The following TVP23A variants were observed in gnomAD, a reference collection of about 807,000 sequenced individuals.
TVP23A encodes the protein Golgi apparatus membrane protein TVP23 homolog A.
A neutral mutation model predicts 31.7 loss-of-function variants in TVP23A; 21 were observed. That is an observed-to-expected ratio of 0.66 (90% CI 0.47 to 0.95). The LOEUF (loss-of-function observed/expected upper bound fraction) is 0.95, where lower values mean the gene tolerates loss of function less well. Among genes scored for constraint, TVP23A ranks in the 40% least tolerant of loss-of-function variants. The pLI is 0.00. For synonymous variants in TVP23A, 104 were observed against 96.0 expected (o/e 1.08, Z -0.49); for missense variants, 279 against 255.6 (o/e 1.09, Z -0.62).
intron 2 of TVP23A, among the ~76,000 whole-genome samples, chr16:10,784,278 G>A (rs892794495): frequency 8.0e-5 from 12 of 149,244 alleles, no homozygotes; most frequent in African/African-American, 2.5e-4. Flanking sequence ...GCAGTGAGCC[G>A]AGATCTCACC....
At chr16:10,813,700 C>A (rs2143007448) in intron 2 of TVP23A, among the ~76,000 whole-genome samples, 1 of 152,210 alleles carries the variant, frequency 6.6e-6, no homozygotes, top group East Asian at 1.9e-4. Context: ...CATCTGTAGA[C>A]CTCAGTTAAG....
Position 10,795,317 on chromosome 16 carries a change from C to T in TVP23A, c.90-20221G>A, listed in dbSNP as rs144174931. Among the ~76,000 whole-genome samples the T allele has an allele frequency of 5.3e-5, 8 of 150,138 alleles. No individual in the cohort carries two copies. In the East Asian group the frequency reaches 1.6e-3, roughly 29 times the overall value. ...CCAGACTGGAGTGCAGTGGCATGAT[C>T]TTGGCTAACTGCAACCTCCACCTCC... On this transcript the variant is annotated intron_variant, in intron 2 of 7. Transcript: ENST00000299866.
At chr16:10,798,115 C>G (rs1259734365) in intron 2 of TVP23A, among the ~76,000 whole-genome samples, 1 of 151,600 alleles carries the variant, frequency 6.6e-6, no homozygotes, top group African/African-American at 2.4e-5. Flanking sequence ...GCCACCACGC[C>G]CAGCTAATTT....
Position 10,785,210 on chromosome 16 carries a change from G to A in TVP23A, c.90-10114C>T, listed in dbSNP as rs535823591. On this transcript the variant is annotated intron_variant, in intron 2 of 7. Coordinates refer to ENST00000299866, the MANE Select transcript of TVP23A (RefSeq NM_001079512.4). ...ACCTGAGGTCAGGAGCTCACGACCA[G>A]CCTGGCCAACATGGTGAAACCTGCC... Among the ~76,000 whole-genome samples, 4 of 152,252 alleles carry A rather than the reference G, an allele frequency of 2.6e-5. No homozygotes were observed. In the South Asian group the frequency reaches 8.3e-4, roughly 32 times the overall value.
intron 5 of TVP23A, among the ~76,000 whole-genome samples, chr16:10,772,454 C>A (rs1200845042): frequency 6.6e-6 from 1 of 151,030 alleles, no homozygotes; most frequent in Admixed American, 6.6e-5. Context: ...ACTGCAACCT[C>A]CGCCTCCTGG....
At chr16:10,776,051 A>AT (rs113505155) in intron 2 of TVP23A, among the ~76,000 whole-genome samples, 15,231 of 150,570 alleles carry the variant, frequency 0.1, 883 homozygotes, top group South Asian at 0.2. Flanking sequence ...GCCTGGCCTT[A>AT]TTTTTTTTAT....
At chr16:10,778,573 C>T (rs751419815) in intron 2 of TVP23A, among the ~76,000 whole-genome samples, 1 of 151,932 alleles carries the variant, frequency 6.6e-6, no homozygotes, top group Non-Finnish European at 1.5e-5. Flanking sequence ...TAAGATTCTC[C>T]GCAAACATAT....
rs34439062 is a variant in TVP23A at position 10,797,552 on chromosome 16, C to CA, written c.89+20550dup. Among the ~76,000 whole-genome samples the CA allele has an allele frequency of 0.051, 7,056 of 138,194 alleles. 847 individuals are homozygous for CA. In the East Asian group the frequency reaches 0.53, roughly 10 times the overall value. The allele number at this position is 138,194 out of a possible 152,430, so 90.7% of individuals were successfully genotyped here. ...AGGTAACAAGGAAGAAACTTCATCT[C>CA]AAAAAAAAAAAAATGATTCTTATCA... is the stretch of plus-strand genomic sequence containing the variant. On this transcript the variant is annotated intron_variant, in intron 2 of 7. Transcript: ENST00000299866.
At chr16:10,808,066 T>A (rs981963558) in intron 2 of TVP23A, among the ~76,000 whole-genome samples, 2 of 152,182 alleles carry the variant, frequency 1.3e-5, no homozygotes, top group African/African-American at 4.8e-5. Flanking sequence ...GTCACTCAGC[T>A]CTCTCTGTTA....
chr16:10,784,256 G>A (rs1252024676), intron 2 of TVP23A, among the ~76,000 whole-genome samples: 2 of 149,620 alleles, frequency 1.3e-5, no homozygotes, highest in African/African-American at 4.9e-5. Context: ...CTGAACCCAG[G>A]AGGCGGAGGT....
chr16:10,795,868 C>T (rs2033360879), intron 2 of TVP23A, among the ~76,000 whole-genome samples: 1 of 152,122 alleles, frequency 6.6e-6, no homozygotes, highest in Non-Finnish European at 1.5e-5. Context: ...GATGGAAGAA[C>T]ATACCCCCTC....
chr16:10,759,745 C>T (rs904955572), downstream of TVP23A, among the ~76,000 whole-genome samples: 5 of 152,158 alleles, frequency 3.3e-5, no homozygotes, highest in African/African-American at 1.2e-4. This position sits in a 1 kb window ranked among gnomAD's most constrained non-coding sequence, Gnocchi z 4.7. Flanking sequence ...CACTGCACTC[C>T]AGCCTGGGCG....
At chr16:10,786,477 T>A (rs1022165238) in intron 2 of TVP23A, among the ~76,000 whole-genome samples, 1 of 152,172 alleles carries the variant, frequency 6.6e-6, no homozygotes, top group Non-Finnish European at 1.5e-5. Context: ...GTACTCCTTT[T>A]TTTAAGCCCA....
chr16:10,782,776 T>A (rs192575867), intron 2 of TVP23A, among the ~76,000 whole-genome samples: 159 of 152,276 alleles, frequency 1.0e-3, no homozygotes, highest in African/African-American at 3.7e-3. Flanking sequence ...AGTGCTACAA[T>A]TACAGGTGTG....
intron 6 of TVP23A, among the ~76,000 whole-genome samples, chr16:10,770,868 CAAAAAA>C (rs376701429): frequency 2.0e-4 from 13 of 66,478 alleles, no homozygotes; most frequent in Admixed American, 4.3e-4. Context: ...ACTCCCATCT[CAAAAAA>C]AAAAAAAAAA....
chr16:10,780,323 G>A (rs1336109099), intron 2 of TVP23A, among the ~76,000 whole-genome samples: 1 of 151,954 alleles, frequency 6.6e-6, no homozygotes, highest in Non-Finnish European at 1.5e-5. Flanking sequence ...GTTTGTGGAG[G>A]CCTGGGGAGT....
intron 2 of TVP23A, among the ~76,000 whole-genome samples, chr16:10,792,333 G>C (rs913705376): frequency 6.6e-6 from 1 of 152,122 alleles, no homozygotes; most frequent in African/African-American, 2.4e-5. Flanking sequence ...GAAGATGCTG[G>C]GTTCAAGGAA....
In TVP23A at chr16:10,774,041, T is replaced by C; in HGVS notation, c.322A>G (p.Lys108Glu). Residue 108 changes from lysine (K) to glutamate (E), a missense_variant and splice_region_variant, in exon 4 of 8, where the codon AAG becomes GAG. Coordinates refer to ENST00000299866, the MANE Select transcript of TVP23A (RefSeq NM_001079512.4). ...GKSHWIFEAR[K>E]VSPNSIAATE... ...GTTCAGCTCGTCATGGAGAATACCT[T>C]CCTGGCTTCAAAGATCCAGTGGCTC... 2 of 1,610,150 alleles carry C rather than the reference T, an allele frequency of 1.2e-6. No homozygotes were observed. The highest frequency in any genetic ancestry group is 4.5e-5 in the East Asian group (2 of 44,840).
intron 2 of TVP23A, among the ~76,000 whole-genome samples, chr16:10,796,535 C>T (rs913798435): frequency 6.6e-6 from 1 of 152,164 alleles, no homozygotes; most frequent in African/African-American, 2.4e-5. Context: ...CGGGTTCACA[C>T]CATTCTCCTG....
Sources: allele counts gnomAD v4.1 joint callset (sites outside exome capture counted in the v4.1 genomes callset), GRCh38; gene constraint gnomAD v4.1.1; non-coding constraint Gnocchi (gnomAD v3.1); transcripts MANE v1.5; gene names NCBI Gene and HGNC (gene_info 2026-07-23, HGNC 2026-07-21).